PHIP: variants seen among roughly 807,000 people sequenced by gnomAD.
PHIP encodes the protein PHIP subunit of CUL4-Ring ligase complex, also known as PH-interacting protein.
Under a neutral mutation model 236.8 loss-of-function variants are expected in PHIP, and 54 were observed. The ratio of observed to expected loss-of-function variants is 0.23; its 90% CI spans 0.18 to 0.29. PHIP has a LOEUF of 0.29. Among genes scored for constraint, PHIP ranks in the 10% least tolerant of loss-of-function variants. The pLI, the probability that PHIP is intolerant of heterozygous loss-of-function variation, is 1.00. For missense variants in PHIP, 1,370 were observed against 2,190.8 expected, an observed-to-expected ratio of 0.63 and a Z score of 7.48; for synonymous variants, 756 against 718.9, an observed-to-expected ratio of 1.05 and a Z score of -0.83.
intron 23 of PHIP, 39 bp downstream of exon 23, chr6:78,982,847 C>A: frequency 8.0e-7 from 1 of 1,249,236 alleles, no homozygotes; most frequent in Non-Finnish European, 1.1e-6. Context: ...TAAACTGTTT[C>A]TCTAGAAAAC....
chr6:79,013,323 C>T (rs1441294358), intron 15 of PHIP, among the ~76,000 whole-genome samples: 1 of 151,518 alleles, frequency 6.6e-6, no homozygotes, highest in East Asian at 1.9e-4. Context: ...TGTTTTTTAG[C>T]TTTTTTGGTT....
chr6:79,021,434 C>T (rs1771112097), intron 9 of PHIP, among the ~76,000 whole-genome samples: 1 of 151,916 alleles, frequency 6.6e-6, no homozygotes, highest in African/African-American at 2.4e-5. Flanking sequence ...AGGCGTGAGC[C>T]AACACGCCCC....
intron 4 of PHIP, among the ~76,000 whole-genome samples, chr6:79,075,090 G>A (rs1183230807): frequency 6.6e-6 from 1 of 152,020 alleles, no homozygotes; most frequent in Non-Finnish European, 1.5e-5. Context: ...AACTTTTTAA[G>A]TCAGAATAAT....
chr6:78,969,956 C>A lies in PHIP; in HGVS notation c.3123-39G>T, dbSNP rs955872415. ...GAAACAAATTGATTAGGTCACATAC[C>A]TAAAAATACCTAAAAGATGTTCAAA... On this transcript the variant is annotated intron_variant, in intron 26 of 39. Coordinates refer to ENST00000275034, the MANE Select transcript of PHIP (RefSeq NM_017934.7). The A allele has an allele frequency of 1.9e-6, 3 of 1,567,888 alleles. No individual in the cohort carries two copies. The South Asian group carries it at 3.4e-5, about 18-fold the overall frequency.
chr6:79,078,021 C>T lies in PHIP; in HGVS notation c.40+8G>A, dbSNP rs1774279894. The T allele has an allele frequency of 2.5e-6, 4 of 1,608,942 alleles. No homozygotes were observed. Among genetic ancestry groups the T allele is most frequent in the Non-Finnish European group, 3.4e-6 (4 of 1,179,294 alleles). On this transcript the variant is annotated splice_region_variant and intron_variant, in intron 1 of 39. Coordinates refer to ENST00000275034, the MANE Select transcript of PHIP (RefSeq NM_017934.7). ...GGTGCCAGCGGCCCCGGCAGCCCCC[C>T]GACTTACCCGATCGCAGCTCCGAGA...
intron 36 of PHIP, 95 bp downstream of exon 36, chr6:78,947,528 A>G (rs1267145585): frequency 6.5e-6 from 4 of 614,830 alleles, no homozygotes; most frequent in African/African-American, 5.6e-5. Flanking sequence ...CAGAAAGTTA[A>G]CTTTGACCTA....
intron 27 of PHIP, among the ~76,000 whole-genome samples, chr6:78,967,161 T>C (rs553519445): frequency 1.1e-4 from 16 of 152,058 alleles, no homozygotes; most frequent in Non-Finnish European, 1.6e-4. Context: ...ATGAAATGAA[T>C]TAAAAATTAG....
chr6:78,997,475 GC>G lies in PHIP; in HGVS notation c.2139del (p.Glu713AspfsTer5). 1 of 1,613,904 alleles carries G rather than the reference GC, an allele frequency of 6.2e-7. No individual in the cohort carries two copies. The highest frequency in any genetic ancestry group is 8.5e-7 in the Non-Finnish European group (1 of 1,179,902). ...CTTCGACTCCAAGCTACCAGATCCC[GC>G]TCTGTGGCTATTTCACTTCTTGGTG... is the stretch of plus-strand genomic sequence containing the variant. The part of the protein sequence containing the change: ...SNAPRSEIAT[E>X]RDLVAWSRRV... On this transcript the variant is annotated frameshift_variant, in exon 19 of 40. Transcript: ENST00000275034. LOFTEE classifies it high-confidence loss of function.
intron 10 of PHIP, among the ~76,000 whole-genome samples, chr6:79,018,526 T>C (rs556705820): frequency 6.6e-6 from 1 of 152,108 alleles, no homozygotes; most frequent in African/African-American, 2.4e-5. Flanking sequence ...ATCAATTTAC[T>C]ACAAATAACC....
intron 31 of PHIP, among the ~76,000 whole-genome samples, chr6:78,959,199 T>C (rs1366299035): frequency 6.6e-6 from 1 of 152,102 alleles, no homozygotes; most frequent in Non-Finnish European, 1.5e-5. Flanking sequence ...TTTCTGAAAG[T>C]AAATAAAAAT....
intron 35 of PHIP, among the ~76,000 whole-genome samples, chr6:78,948,378 G>A (rs1026525147): frequency 3.9e-5 from 6 of 152,026 alleles, no homozygotes; most frequent in Admixed American, 6.6e-5. Flanking sequence ...GTAACAGATT[G>A]GAACCAATAA....
rs1773741869 is a variant in PHIP, at chr6:78,945,291, ATACCT to A, written c.4828+4_4828+8del. On this transcript the variant is annotated splice_donor_5th_base_variant and intron_variant, in intron 39 of 39. Transcript: ENST00000275034. ...TACTGTATCTTGAAAGATACAAGTA[ATACCT>A]TACCTTGCTCAATGACAGCTGATGA... is the stretch of plus-strand genomic sequence containing the variant. 6.3e-7 allele frequency: 1 copy of A among 1,576,564 alleles called. No homozygotes were observed. The highest frequency in any genetic ancestry group is 1.3e-5 in the African/African-American group (1 of 74,196).
chr6:78,968,582 G>A (rs1767307930), intron 27 of PHIP, among the ~76,000 whole-genome samples: 1 of 152,262 alleles, frequency 6.6e-6, no homozygotes, highest in African/African-American at 2.4e-5. Context: ...GATACTAAGG[G>A]ACAACTATAA....
chr6:79,005,740 T>C (rs931884095), intron 15 of PHIP, among the ~76,000 whole-genome samples: 3 of 152,054 alleles, frequency 2.0e-5, no homozygotes, highest in Non-Finnish European at 4.4e-5. Context: ...TTTAGCAATT[T>C]CAAAGGAAAT....
chr6:79,007,941 T>C (rs371310730), intron 15 of PHIP, among the ~76,000 whole-genome samples: 69 of 152,114 alleles, frequency 4.5e-4, no homozygotes, highest in East Asian at 3.5e-3. Flanking sequence ...AGATGTATAT[T>C]TGAAATAAGT....
At chr6:78,958,787 C>T (rs1376248820) in intron 31 of PHIP, among the ~76,000 whole-genome samples, 187 bp from the exon 32 acceptor site, 1 of 151,936 alleles carries the variant, frequency 6.6e-6, no homozygotes, top group Non-Finnish European at 1.5e-5. Flanking sequence ...GAGGGGCAAC[C>T]ATAACTACGT....
chr6:78,979,330 C>CA (rs1468264373), intron 23 of PHIP, among the ~76,000 whole-genome samples: 1 of 152,042 alleles, frequency 6.6e-6, no homozygotes, highest in African/African-American at 2.4e-5. Context: ...AAGATATCCC[C>CA]ACAAACCCCA....
chr6:78,966,162 G>A, intron 27 of PHIP, 106 bp from the exon 28 acceptor site: 1 of 703,318 alleles, frequency 1.4e-6, no homozygotes. Flanking sequence ...TATGATTTCA[G>A]AAGACAAAAA....
rs149521183 is a variant in PHIP, at chr6:78,942,946, A to G, written c.4829-1616T>C. ...TTAAAAAGGAATTCAGAAGTTTTTT[A>G]AAAAAGTTTAAAAACCACTGATATT... On this transcript the variant is annotated intron_variant, in intron 39 of 39. Coordinates refer to ENST00000275034, the MANE Select transcript of PHIP (RefSeq NM_017934.7). Among the ~76,000 whole-genome samples the G allele has an allele frequency of 6.2e-4, 95 of 152,346 alleles. 1 individual carries two copies. In the South Asian group the frequency reaches 7.9e-3, roughly 13 times the overall value.
Sources: allele counts gnomAD v4.1 joint callset (sites outside exome capture counted in the v4.1 genomes callset), GRCh38; gene constraint gnomAD v4.1.1; transcripts MANE v1.5; gene names NCBI Gene and HGNC (gene_info 2026-07-23, HGNC 2026-07-21).